The following WDR72 variants were observed in gnomAD, a reference collection of about 807,000 sequenced individuals.
WDR72 encodes the protein WD repeat-containing protein 72.
A neutral mutation model predicts 124.2 loss-of-function variants in WDR72; 120 were observed. That is an observed-to-expected ratio of 0.97 (90% CI 0.83 to 1.12). The LOEUF (loss-of-function observed/expected upper bound fraction) is 1.12. Ranked by LOEUF, WDR72 falls within the 50% of genes most tolerant of loss-of-function variation. The pLI, the probability that WDR72 is intolerant of heterozygous loss-of-function variation, is 0.00. For synonymous variants in WDR72, 452 were observed against 441.7 expected (o/e 1.02, Z -0.29); for missense variants, 1,387 against 1,278.8 (o/e 1.08, Z -1.29).
intron 2 of WDR72, among the ~76,000 whole-genome samples, chr15:53,726,382 A>G (rs1480060336): frequency 6.7e-6 from 1 of 150,022 alleles, no homozygotes; most frequent in East Asian, 2.0e-4. Flanking sequence ...GGTATTTCTG[A>G]AACTCCCTGT....
At chr15:53,625,634 A>G (rs1463711174) in intron 14 of WDR72, among the ~76,000 whole-genome samples, 2 of 152,162 alleles carry the variant, frequency 1.3e-5, no homozygotes, top group African/African-American at 4.8e-5. Context: ...CTGAGTCTGA[A>G]AGTCTGCAAG....
Position 53,615,825 on chromosome 15 carries a change from G to A in WDR72, c.2381C>T (p.Thr794Ile), listed in dbSNP as rs776820145. The change falls in exon 15 of 20, where the codon ACA (threonine) becomes ATA (isoleucine). Residue 794 changes from threonine to isoleucine, a missense_variant. Coordinates refer to ENST00000360509, the MANE Select transcript of WDR72 (RefSeq NM_182758.4). ...RKVDASLTIDTAKLFLSCLLP... is the reference protein window; with the variant it reads ...RKVDASLTIDIAKLFLSCLLP... ...AAGGCAAGACAGAAACAATTTTGCT[G>A]TGTCTATTGTGAGACTGGCATCTAC... 2.5e-6 allele frequency: 4 copies of A among 1,613,484 alleles called. No homozygotes were observed. The highest frequency in any genetic ancestry group is 2.2e-5 in the South Asian group (2 of 91,084).
chr15:53,547,490 A>G (rs1421255907), intron 18 of WDR72, among the ~76,000 whole-genome samples: 1 of 152,166 alleles, frequency 6.6e-6, no homozygotes. Context: ...GTGACAGAGC[A>G]TGTGGGAGGT....
At chr15:53,732,513 C>A (rs1287037118) in intron 2 of WDR72, among the ~76,000 whole-genome samples, 4 of 152,090 alleles carry the variant, frequency 2.6e-5, no homozygotes, top group Admixed American at 2.0e-4. Flanking sequence ...GGATTTAGAG[C>A]ATTTTGATGT....
intron 16 of WDR72, among the ~76,000 whole-genome samples, chr15:53,612,742 G>A (rs2013597387): frequency 6.6e-6 from 1 of 152,046 alleles, no homozygotes; most frequent in African/African-American, 2.4e-5. Context: ...CCACCAGAAG[G>A]TTATACATAG....
At chr15:53,584,868 C>G (rs2012116982) in intron 18 of WDR72, among the ~76,000 whole-genome samples, 1 of 151,956 alleles carries the variant, frequency 6.6e-6, no homozygotes, top group Non-Finnish European at 1.5e-5. Flanking sequence ...TTGCATCAAG[C>G]CCTTTCCAAC....
intron 18 of WDR72, among the ~76,000 whole-genome samples, chr15:53,530,445 G>T (rs776442728): frequency 6.6e-6 from 1 of 151,788 alleles, no homozygotes; most frequent in Non-Finnish European, 1.5e-5. Flanking sequence ...CTGCAAAGTC[G>T]TTTGTTTTCT....
intron 12 of WDR72, among the ~76,000 whole-genome samples, chr15:53,701,536 G>GTC (rs370281315): frequency 0.016 from 1,597 of 101,412 alleles, 41 homozygotes; most frequent in African/African-American, 0.041. Flanking sequence ...GTGAGACCCT[G>GTC]TCTCTCTCTC....
chr15:53,592,443 C>T lies in WDR72; in HGVS notation c.3148+4636G>A, dbSNP rs568104528. On this transcript the variant is annotated intron_variant, in intron 18 of 19. Transcript: ENST00000360509. ...AGGCCAAGAAAGCCTGCCCTGGGCC[C>T]GTACTTCTGCAGGGCAGGATCACCA... Among the ~76,000 whole-genome samples, 32 of 152,166 alleles carry T rather than the reference C, an allele frequency of 2.1e-4. 1 individual carries two copies. In the East Asian group the frequency reaches 2.9e-3, roughly 14 times the overall value.
intron 12 of WDR72, among the ~76,000 whole-genome samples, chr15:53,701,875 G>A (rs1234552781): frequency 6.6e-6 from 1 of 152,068 alleles, no homozygotes; most frequent in Non-Finnish European, 1.5e-5. Flanking sequence ...AGAATTAAGT[G>A]GTTGTTGTAA....
At chr15:53,723,603 A>G (rs2017938333) in intron 2 of WDR72, among the ~76,000 whole-genome samples, 1 of 152,162 alleles carries the variant, frequency 6.6e-6, no homozygotes, top group Non-Finnish European at 1.5e-5. Flanking sequence ...TTCCCTCATT[A>G]TCCATGGGGG....
chr15:53,626,969 G>T (rs1263360078), intron 14 of WDR72, among the ~76,000 whole-genome samples: 5 of 152,124 alleles, frequency 3.3e-5, no homozygotes, highest in African/African-American at 9.7e-5. Context: ...TAAATACAAA[G>T]TTAGGAAATA....
At chr15:53,612,570 A>G (rs1362623349) in intron 16 of WDR72, among the ~76,000 whole-genome samples, 1 of 152,004 alleles carries the variant, frequency 6.6e-6, no homozygotes, top group African/African-American at 2.4e-5. Flanking sequence ...GGGTAAGAGT[A>G]AAAAGGCTAG....
chr15:53,597,401 C>A, intron 17 of WDR72, 127 bp from the exon 18 acceptor site: 1 of 879,600 alleles, frequency 1.1e-6, no homozygotes, highest in Non-Finnish European at 1.7e-6. Flanking sequence ...TTTCATACTT[C>A]TAGAATTAGC....
chr15:53,751,721 G>T (rs992078772), intron 1 of WDR72, among the ~76,000 whole-genome samples: 5 of 152,038 alleles, frequency 3.3e-5, no homozygotes, highest in African/African-American at 9.7e-5. Flanking sequence ...TCCAGGAAAG[G>T]GGATCAATTA....
At chr15:53,577,174 A>G (rs985530389) in intron 18 of WDR72, among the ~76,000 whole-genome samples, 1 of 152,104 alleles carries the variant, frequency 6.6e-6, no homozygotes, top group African/African-American at 2.4e-5. Flanking sequence ...CAAAATTATG[A>G]CTTTCATTTT....
chr15:53,620,525 C>T (rs924166267), intron 14 of WDR72, among the ~76,000 whole-genome samples: 1 of 151,848 alleles, frequency 6.6e-6, no homozygotes, highest in Non-Finnish European at 1.5e-5. Context: ...TTCAACAAAG[C>T]AAACAAAAAC....
chr15:53,646,413 T>C (rs375586350), intron 14 of WDR72, among the ~76,000 whole-genome samples: 128 of 152,174 alleles, frequency 8.4e-4, no homozygotes, highest in African/African-American at 2.7e-3. Context: ...TGAGAAATAA[T>C]ACAAATAATG....
At chr15:53,552,244 C>T (rs1345684577) in intron 18 of WDR72, among the ~76,000 whole-genome samples, 2 of 152,028 alleles carry the variant, frequency 1.3e-5, no homozygotes, top group African/African-American at 2.4e-5. Context: ...TATCCAAGTT[C>T]AGAGTTGTAA....
Sources: allele counts gnomAD v4.1 joint callset (sites outside exome capture counted in the v4.1 genomes callset), GRCh38; gene constraint gnomAD v4.1.1; transcripts MANE v1.5; gene names NCBI Gene and HGNC (gene_info 2026-07-23, HGNC 2026-07-21).